The following CLEC4A variants were observed in gnomAD, a reference collection of about 807,000 sequenced individuals.
The protein encoded by CLEC4A is C-type (calcium dependent, carbohydrate-recognition domain) lectin, superfamily member 6.
CLEC4A carries 27 observed loss-of-function variants against 32.7 expected under a neutral mutation model. The ratio of observed to expected loss-of-function variants is 0.83; its 90% CI spans 0.61 to 1.14. The LOEUF (loss-of-function observed/expected upper bound fraction) is 1.14. Among genes scored for constraint, CLEC4A ranks in the 50% most tolerant of loss-of-function variants. The pLI, the probability that CLEC4A is intolerant of heterozygous loss-of-function variation, is 0.00. For missense variants in CLEC4A, 253 were observed against 274.6 expected, an observed-to-expected ratio of 0.92 and a Z score of 0.55; for synonymous variants, 89 against 93.7, an observed-to-expected ratio of 0.95 and a Z score of 0.29.
chr12:8,115,556 A>G, the CLEC4A span, among the ~76,000 whole-genome samples: 1 of 152,162 alleles, frequency 6.6e-6, no homozygotes, highest in South Asian at 2.1e-4. Context: ...GATATCATCA[A>G]TGGAGTGAAC....
rs2120652855 is a variant in CLEC4A, at chr12:8,138,287, A to G, written c.714A>G (p.Ter238TrpextTer6). The G allele has an allele frequency of 6.2e-7, 1 of 1,614,126 alleles. No homozygotes were observed. Among genetic ancestry groups the G allele is most frequent in the East Asian group, 2.2e-5 (1 of 44,880 alleles). The change falls in exon 6 of 6, where the codon TGA becomes TGG. Residue 238 changes from the stop codon to tryptophan (W), a stop_lost. Transcript: ENST00000229332. The stretch of plus-strand genomic sequence containing the variant: ...GTGAGATGATGAAGATCCACTTATG[A>G]ACTGAACATTCTCCATGAACAGGTG... ...SVCEMMKIHL[*>W] is the part of the protein sequence containing the mutation.
chr12:8,113,696 G>A, the CLEC4A span, among the ~76,000 whole-genome samples: 78,880 of 151,894 alleles, frequency 0.52, 23,485 homozygotes, highest in Non-Finnish European at 0.68. Flanking sequence ...TCTTATTGTC[G>A]TCTCACCCCC....
Position 8,135,587 on chromosome 12 carries a change from A to G in CLEC4A, c.301A>G (p.Thr101Ala). 1.2e-6 allele frequency: 2 copies of G among 1,614,086 alleles called. No individual in the cohort carries two copies. Among genetic ancestry groups the G allele is most frequent in the Non-Finnish European group, 1.7e-6 (2 of 1,179,942 alleles). ...CVKKNMPVEE[T>A]AWSCCPKNWK... ...ATGTGCCCCTCTTCCCAATACAGAGACAGCCTGGAGCTGTTGCCCAAAGAA... is the reference window on the plus strand; with the variant it reads ...ATGTGCCCCTCTTCCCAATACAGAGGCAGCCTGGAGCTGTTGCCCAAAGAA... The change falls in exon 4 of 6, where the codon ACA (threonine) becomes GCA (alanine). Residue 101 changes from threonine to alanine, a missense_variant and splice_region_variant. Coordinates refer to ENST00000229332, the MANE Select transcript of CLEC4A (RefSeq NM_016184.4).
chr12:8,105,964 T>C, the CLEC4A span, among the ~76,000 whole-genome samples: 1 of 152,230 alleles, frequency 6.6e-6, no homozygotes, highest in Non-Finnish European at 1.5e-5. Flanking sequence ...TCTTTGCCCA[T>C]TCCTATGTCC....
At chr12:8,108,548 A>G in the CLEC4A span, among the ~76,000 whole-genome samples, 1 of 152,208 alleles carries the variant, frequency 6.6e-6, no homozygotes, top group Admixed American at 6.5e-5. Context: ...TCACATATTC[A>G]AAGGAAGGAA....
chr12:8,105,309 G>T, the CLEC4A span, among the ~76,000 whole-genome samples: 1 of 149,444 alleles, frequency 6.7e-6, no homozygotes, highest in Non-Finnish European at 1.5e-5. Flanking sequence ...GTTTTGATTT[G>T]TGTTTCTCTA....
chr12:8,134,155 C>G, intron 3 of CLEC4A: 10 of 1,607,914 alleles, frequency 6.2e-6, no homozygotes, highest in Non-Finnish European at 7.6e-6. Flanking sequence ...TACTGGTTCG[C>G]TTTCTCTTTC....
intron 3 of CLEC4A, among the ~76,000 whole-genome samples, chr12:8,135,274 T>C (rs2076685607): frequency 6.6e-6 from 1 of 151,994 alleles, no homozygotes; most frequent in Non-Finnish European, 1.5e-5. Context: ...TAATGACTTA[T>C]TTTCTATTGA....
chr12:8,118,302 A>G, the CLEC4A span, among the ~76,000 whole-genome samples: 3 of 152,184 alleles, frequency 2.0e-5, no homozygotes, highest in Admixed American at 6.5e-5. Context: ...TCAACATACA[A>G]TGGAATATTA....
At position 8,129,339 on chromosome 12, in the gene CLEC4A, T is replaced by TG. The variant is rs752734456; in HGVS notation, c.276dup (p.Lys93GlufsTer22). The TG allele has an allele frequency of 2.5e-6, 4 of 1,609,072 alleles. No individual in the cohort carries two copies. In the East Asian group the frequency reaches 8.9e-5, roughly 36 times the overall value. ...CTGGTTCATACAACATTGGAGTGTG[T>TG]GAAAAAAAATATGCCCGTGGAAGGT... On this transcript the variant is annotated frameshift_variant, in exon 3 of 6. Coordinates refer to ENST00000229332, the MANE Select transcript of CLEC4A (RefSeq NM_016184.4). LOFTEE classifies it high-confidence loss of function.
intron 3 of CLEC4A, 25 bp from the exon 4 acceptor site, chr12:8,135,560 G>GTT: frequency 1.9e-6 from 3 of 1,611,792 alleles, no homozygotes; most frequent in Non-Finnish European, 2.5e-6. Context: ...TATATTGCAC[G>GTT]TATGTGCCCC....
intron 1 of CLEC4A, among the ~76,000 whole-genome samples, chr12:8,124,488 C>G (rs933918088): frequency 3.3e-5 from 5 of 152,190 alleles, no homozygotes; most frequent in Non-Finnish European, 5.9e-5. Context: ...TCTCTTAAAT[C>G]TCCAGGAAAC....
At chr12:8,119,602 A>G (rs1470801641), upstream of CLEC4A, among the ~76,000 whole-genome samples, 1 of 152,214 alleles carries the variant, frequency 6.6e-6, no homozygotes. Context: ...AAAGTGCCCT[A>G]TTTACTCCAT....
upstream of CLEC4A, among the ~76,000 whole-genome samples, chr12:8,123,376 CTT>C (rs957111966): frequency 4.6e-5 from 7 of 152,274 alleles, no homozygotes; most frequent in Admixed American, 1.3e-4. Flanking sequence ...CAATGATACT[CTT>C]AGAATGTGGT....
At chr12:8,124,948 A>T (rs1345162169) in intron 1 of CLEC4A, among the ~76,000 whole-genome samples, 1 of 152,096 alleles carries the variant, frequency 6.6e-6, no homozygotes, top group Non-Finnish European at 1.5e-5. Flanking sequence ...ATAATACTGA[A>T]TTTTTTTCCC....
At chr12:8,103,881 G>A in the CLEC4A span, among the ~76,000 whole-genome samples, 2 of 152,172 alleles carry the variant, frequency 1.3e-5, no homozygotes, top group East Asian at 3.9e-4. Flanking sequence ...GGGGCAAGGG[G>A]TGGGGAGTGT....
chr12:8,110,130 T>C, the CLEC4A span, among the ~76,000 whole-genome samples: 1 of 152,208 alleles, frequency 6.6e-6, no homozygotes, highest in Non-Finnish European at 1.5e-5. Flanking sequence ...TATCCTGTAT[T>C]TTTTGAGCAC....
In CLEC4A at chr12:8,136,882, C is replaced by T; in HGVS notation, c.545C>T (p.Thr182Ile). Residue 182 changes from threonine to isoleucine, a missense_variant, in exon 5 of 6, where the codon ACA becomes ATA. Thr to Ile is a moderately conservative substitution (Grantham distance 89, BLOSUM62 -1). Transcript: ENST00000229332. ...GQRHWQWVDQ[T>I]PYNESSTFWH... is the part of the protein sequence containing the mutation. Reference sequence around the variant, plus strand: ...CGACATTGGCAATGGGTTGATCAGACACCATACAATGAAAGTTCCACGTGA... The same window carrying T: ...CGACATTGGCAATGGGTTGATCAGATACCATACAATGAAAGTTCCACGTGA... The T allele has an allele frequency of 1.2e-6, 2 of 1,612,098 alleles. No individual in the cohort carries two copies. The highest frequency in any genetic ancestry group is 1.7e-6 in the Non-Finnish European group (2 of 1,178,240).
At chr12:8,130,678 C>T (rs1209192930) in intron 3 of CLEC4A, among the ~76,000 whole-genome samples, 1 of 152,140 alleles carries the variant, frequency 6.6e-6, no homozygotes, top group Non-Finnish European at 1.5e-5. Context: ...CCATGCCCGG[C>T]CAATAGGTTA....
Sources: gnomAD v4.1 joint callset for allele counts (sites outside exome capture counted in the v4.1 genomes callset) on GRCh38, gnomAD v4.1.1 for gene constraint, MANE v1.5 for transcripts, NCBI Gene and HGNC (gene_info 2026-07-23, HGNC 2026-07-21) for gene names.